The following SRBD1 variants were observed in gnomAD, a reference collection of about 807,000 sequenced individuals.
SRBD1 encodes S1 RNA-binding domain-containing protein 1.
In SRBD1, 88 loss-of-function variants were observed where a neutral mutation model predicts 115.3. The ratio of observed to expected loss-of-function variants is 0.76; its 90% CI spans 0.64 to 0.91. SRBD1 has a LOEUF of 0.91. Ranked by LOEUF, SRBD1 falls within the 40% of genes least tolerant of loss-of-function variation. The pLI is 0.00. For synonymous variants in SRBD1, 509 were observed against 407.7 expected (o/e 1.25, Z -2.99); for missense variants, 1,385 against 1,177.4 (o/e 1.18, Z -2.58).
chr2:45,565,654 G>C (rs937934732), intron 9 of SRBD1, among the ~76,000 whole-genome samples: 1 of 152,016 alleles, frequency 6.6e-6, no homozygotes, highest in African/African-American at 2.4e-5. Context: ...GTGCCTCAAA[G>C]AATAGTATCA....
At chr2:45,439,377 A>G (rs913534955) in intron 16 of SRBD1, among the ~76,000 whole-genome samples, 4 of 148,814 alleles carry the variant, frequency 2.7e-5, no homozygotes, top group Non-Finnish European at 5.9e-5. Context: ...ATATATATAT[A>G]TAAAACAATT....
At chr2:45,473,140 C>A (rs1329694054) in intron 16 of SRBD1, among the ~76,000 whole-genome samples, 1 of 151,690 alleles carries the variant, frequency 6.6e-6, no homozygotes. Context: ...CTTTTCTCTA[C>A]CTTTGGATGA....
intron 10 of SRBD1, among the ~76,000 whole-genome samples, chr2:45,560,890 G>C (rs1429714895): frequency 1.3e-5 from 2 of 151,676 alleles, no homozygotes; most frequent in Non-Finnish European, 2.9e-5. Flanking sequence ...AGGACCGCTT[G>C]AGCCCAGGAG....
chr2:45,488,778 G>A (rs1670200701), intron 14 of SRBD1, among the ~76,000 whole-genome samples: 1 of 151,792 alleles, frequency 6.6e-6, no homozygotes, highest in Non-Finnish European at 1.5e-5. Flanking sequence ...GTGTGGATAT[G>A]TGCACATGCA....
intron 14 of SRBD1, among the ~76,000 whole-genome samples, chr2:45,495,245 G>A (rs1670419744): frequency 6.6e-6 from 1 of 152,172 alleles, no homozygotes; most frequent in African/African-American, 2.4e-5. Context: ...CTAAAAAGCA[G>A]AGCTTTAATT....
rs376524573 is a variant in SRBD1, at chr2:45,399,497, T to C, written c.2514-6368A>G. ...TCAAATATTTATTGTGAATGTAGAT[T>C]TGCTGATAAGAAAACAAAATCTCAG... On this transcript the variant is annotated intron_variant, in intron 19 of 20. Coordinates refer to ENST00000263736, the MANE Select transcript of SRBD1 (RefSeq NM_018079.5). Among the ~76,000 whole-genome samples, 28 of 152,200 alleles carry C rather than the reference T, an allele frequency of 1.8e-4. No individual in the cohort carries two copies. In the East Asian group the frequency reaches 2.5e-3, roughly 14 times the overall value.
intron 16 of SRBD1, among the ~76,000 whole-genome samples, chr2:45,456,508 T>C (rs775527845): frequency 1.3e-5 from 2 of 151,938 alleles, no homozygotes; most frequent in Non-Finnish European, 2.9e-5. Context: ...TATTAATGGC[T>C]ACTGTCATAT....
chr2:45,516,269 G>A (rs922701000), intron 14 of SRBD1, among the ~76,000 whole-genome samples: 3 of 152,088 alleles, frequency 2.0e-5, no homozygotes, highest in Admixed American at 1.3e-4. Flanking sequence ...ATTACTTTTC[G>A]AAAATAAATA....
chr2:45,431,846 A>G (rs917766261), intron 16 of SRBD1, among the ~76,000 whole-genome samples: 102 of 152,304 alleles, frequency 6.7e-4, no homozygotes, highest in Middle Eastern at 3.4e-3. Context: ...AAAAGGTCCA[A>G]GTTAACTCAC....
At chr2:45,412,139 T>G (rs950819102) in intron 19 of SRBD1, among the ~76,000 whole-genome samples, 1 of 151,380 alleles carries the variant, frequency 6.6e-6, no homozygotes, top group African/African-American at 2.4e-5. Flanking sequence ...CAAAAAAAAA[T>G]AAGATGGATG....
chr2:45,588,473 G>A (rs1269900476), intron 4 of SRBD1, among the ~76,000 whole-genome samples: 1 of 152,104 alleles, frequency 6.6e-6, no homozygotes, highest in Admixed American at 6.5e-5. Flanking sequence ...TCTCAAACCT[G>A]TACCTTTTCC....
chr2:45,540,763 A>G (rs1037197165), intron 14 of SRBD1, among the ~76,000 whole-genome samples: 1 of 152,240 alleles, frequency 6.6e-6, no homozygotes, highest in Non-Finnish European at 1.5e-5. Context: ...AAGCAAATGA[A>G]GATGCTCATG....
In SRBD1 at chr2:45,389,391, G is replaced by A. The variant is rs1044899516; in HGVS notation, c.2907C>T (p.Pro969=). Residue 969 remains proline (P), a synonymous_variant, in exon 21 of 21, where the codon CCC becomes CCT. Transcript: ENST00000263736. ...GTACTTGGACTTCCACTCTTTCTCC[G>A]GGGCCCAGTCCAAGGCTTCTTCTCT... ...TKKRRSLGLG[P]GERVEVQVLN... 1.2e-5 allele frequency: 20 copies of A among 1,613,818 alleles called. No individual in the cohort carries two copies. Among genetic ancestry groups the A allele is most frequent in the East Asian group, 2.2e-5 (1 of 44,868 alleles).
chr2:45,575,930 G>T (rs1018376150), intron 7 of SRBD1, among the ~76,000 whole-genome samples: 2 of 152,048 alleles, frequency 1.3e-5, no homozygotes, highest in East Asian at 1.9e-4. Context: ...TCTCGAACTC[G>T]TGACCTCAAG....
intron 19 of SRBD1, among the ~76,000 whole-genome samples, chr2:45,394,853 G>GGT (rs1667099831): frequency 6.6e-6 from 1 of 152,138 alleles, no homozygotes. Flanking sequence ...CCAAAACGTT[G>GGT]GTGTTTGGTC....
At chr2:45,592,267 C>T (rs543952133) in intron 4 of SRBD1, among the ~76,000 whole-genome samples, 68 of 152,234 alleles carry the variant, frequency 4.5e-4, no homozygotes, top group Admixed American at 1.1e-3. Flanking sequence ...CAGACTAATA[C>T]ATAGGGACAC....
At chr2:45,476,471 C>T (rs1379920565) in intron 16 of SRBD1, among the ~76,000 whole-genome samples, 1 of 152,194 alleles carries the variant, frequency 6.6e-6, no homozygotes, top group Non-Finnish European at 1.5e-5. Context: ...TACCATTTTG[C>T]TATCACCATA....
At chr2:45,425,835 C>T (rs956267859) in intron 16 of SRBD1, among the ~76,000 whole-genome samples, 4 of 152,214 alleles carry the variant, frequency 2.6e-5, no homozygotes, top group Non-Finnish European at 4.4e-5. Context: ...ACGCTTTTCC[C>T]GTGGTCTTTG....
At chr2:45,547,634 A>T (rs777591698) in intron 12 of SRBD1, 22 bp from the exon 13 acceptor site, 6 of 1,580,236 alleles carry the variant, frequency 3.8e-6, no homozygotes, top group Non-Finnish European at 5.2e-6. Context: ...GAAAAGAATA[A>T]GCCATTTTAT....
Sources: gnomAD v4.1 joint callset for allele counts (sites outside exome capture counted in the v4.1 genomes callset) on GRCh38, gnomAD v4.1.1 for gene constraint, MANE v1.5 for transcripts, NCBI Gene and HGNC (gene_info 2026-07-23, HGNC 2026-07-21) for gene names.